Variants in SMIM14 observed in about 807,000 individuals in gnomAD.
SMIM14 encodes small integral membrane protein 14.
A neutral mutation model predicts 12.6 loss-of-function variants in SMIM14; 5 were observed. The observed-to-expected ratio is 0.40, with a 90% CI of 0.21 to 0.83. The LOEUF (loss-of-function observed/expected upper bound fraction) is 0.83, where lower values mean the gene tolerates loss of function less well. Among genes scored for constraint, SMIM14 ranks in the 40% least tolerant of loss-of-function variants. SMIM14 has a pLI of 0.37. For missense variants in SMIM14, 86 were observed against 119.1 expected (o/e 0.72, Z 1.29); for synonymous variants, 30 against 40.1 (o/e 0.75, Z 0.95).
chr4:39,614,295 G>C (rs557784352), intron 1 of SMIM14, among the ~76,000 whole-genome samples: 1 of 151,768 alleles, frequency 6.6e-6, no homozygotes, highest in Non-Finnish European at 1.5e-5. Flanking sequence ...ATTGAAGTTG[G>C]GTTATAGGTT....
intron 2 of SMIM14, among the ~76,000 whole-genome samples, chr4:39,573,219 C>T (rs1293857451): frequency 6.6e-6 from 1 of 152,042 alleles, no homozygotes; most frequent in East Asian, 1.9e-4. Flanking sequence ...CCTCAGCCTC[C>T]TGAGTAGCTG....
At chr4:39,604,524 G>A (rs1231034807) in intron 2 of SMIM14, among the ~76,000 whole-genome samples, 2 of 151,890 alleles carry the variant, frequency 1.3e-5, no homozygotes, top group Admixed American at 6.6e-5. Flanking sequence ...GCAACAGAGC[G>A]AGACTCCATC....
intron 1 of SMIM14, among the ~76,000 whole-genome samples, chr4:39,629,530 C>T (rs1361411077): frequency 6.7e-6 from 1 of 150,338 alleles, no homozygotes; most frequent in Non-Finnish European, 1.5e-5. Context: ...GCATCCTTGA[C>T]CTCCTGAGCT....
At chr4:39,591,913 GC>G (rs1714101655) in intron 2 of SMIM14, among the ~76,000 whole-genome samples, 1 of 152,134 alleles carries the variant, frequency 6.6e-6, no homozygotes, top group African/African-American at 2.4e-5. Context: ...AGTCAGAGAA[GC>G]TTAGTGAGGT....
At chr4:39,603,741 T>A (rs1560300926) in intron 2 of SMIM14, among the ~76,000 whole-genome samples, 1 of 152,136 alleles carries the variant, frequency 6.6e-6, no homozygotes, top group Non-Finnish European at 1.5e-5. Flanking sequence ...CCAGGCGCAG[T>A]GGTTCACGCC....
intron 3 of SMIM14, among the ~76,000 whole-genome samples, chr4:39,568,192 T>C (rs1712679275): frequency 6.6e-6 from 1 of 151,282 alleles, no homozygotes; most frequent in African/African-American, 2.4e-5. Flanking sequence ...GGCAGGAGAA[T>C]AGCTTGAGCC....
At chr4:39,583,245 C>T (rs916925988) in intron 2 of SMIM14, among the ~76,000 whole-genome samples, 39 of 152,010 alleles carry the variant, frequency 2.6e-4, no homozygotes, top group African/African-American at 9.4e-4. Flanking sequence ...CATGCCACCA[C>T]ACTGGGCTAA....
intron 1 of SMIM14, among the ~76,000 whole-genome samples, chr4:39,628,069 G>A (rs898975748): frequency 1.3e-5 from 2 of 152,076 alleles, no homozygotes; most frequent in Admixed American, 6.6e-5. Context: ...AGCACTTTGC[G>A]GGGCCAAGGC....
intron 2 of SMIM14, chr4:39,593,290 C>G (rs971282672): frequency 6.6e-6 from 1 of 152,044 alleles, no homozygotes; most frequent in Non-Finnish European, 1.5e-5. Context: ...TAAACAGAAC[C>G]AAAGACAAAA....
chr4:39,631,677 A>G lies in SMIM14; in HGVS notation c.-36+7062T>C, dbSNP rs527308197. Among the ~76,000 whole-genome samples, 213 of 152,298 alleles carry G rather than the reference A, an allele frequency of 1.4e-3. 2 individuals are homozygous for G. Among genetic ancestry groups the G allele is most frequent in the African/African-American group, 4.9e-3 (202 of 41,580 alleles). Reference sequence around the variant, plus strand: ...CCGTCTCAAAAAAAAAAAAAAATAAATATGTTAAAAGATAAAAGATGATAG... The same window carrying G: ...CCGTCTCAAAAAAAAAAAAAAATAAGTATGTTAAAAGATAAAAGATGATAG... On this transcript the variant is annotated intron_variant, in intron 1 of 4. Transcript: ENST00000295958.
intron 1 of SMIM14, among the ~76,000 whole-genome samples, chr4:39,610,017 GTC>G (rs1362942433): frequency 6.6e-6 from 1 of 152,198 alleles, no homozygotes; most frequent in African/African-American, 2.4e-5. Context: ...TTGAGACAGT[GTC>G]TGGCTCTGTC....
At chr4:39,612,763 GC>G (rs1715086108) in intron 1 of SMIM14, among the ~76,000 whole-genome samples, 1 of 152,246 alleles carries the variant, frequency 6.6e-6, no homozygotes, top group South Asian at 2.1e-4. Flanking sequence ...ATCATGCCTG[GC>G]TAATTTTTGT....
intron 2 of SMIM14, among the ~76,000 whole-genome samples, chr4:39,589,149 C>T (rs1476430617): frequency 6.6e-6 from 1 of 152,158 alleles, no homozygotes; most frequent in African/African-American, 2.4e-5. Flanking sequence ...TACAATGGCG[C>T]GATCTCTGCA....
At chr4:39,613,593 C>A (rs540570096) in intron 1 of SMIM14, among the ~76,000 whole-genome samples, 1 of 152,250 alleles carries the variant, frequency 6.6e-6, no homozygotes, top group Non-Finnish European at 1.5e-5. Flanking sequence ...CCCTTGGTCT[C>A]CAGAGACATT....
chr4:39,586,902 C>G (rs1560294092), intron 2 of SMIM14, among the ~76,000 whole-genome samples: 1 of 151,998 alleles, frequency 6.6e-6, no homozygotes. Context: ...TGTGGGTCCT[C>G]TTACTGGCTT....
intron 1 of SMIM14, among the ~76,000 whole-genome samples, chr4:39,609,495 G>A (rs549894115): frequency 6.6e-6 from 1 of 152,214 alleles, no homozygotes; most frequent in Non-Finnish European, 1.5e-5. Flanking sequence ...AGACTTGGGG[G>A]TTGAGGGCAT....
In SMIM14 at chr4:39,547,913, T is replaced by C. The variant is rs1336711894; in HGVS notation, c.*4213A>G. ...AAAAAAATGAAAAACATCTTTTTTT[T>C]TTTTTTTTTGAGACGGAGTTTCACT... is the stretch of plus-strand genomic sequence containing the variant. On this transcript the variant is annotated 3_prime_UTR_variant, in exon 5 of 5. Transcript: ENST00000295958. 1 of 152,138 alleles carries C rather than the reference T, an allele frequency of 6.6e-6. No individual in the cohort carries two copies. Among genetic ancestry groups the C allele is most frequent in the Non-Finnish European group, 1.5e-5 (1 of 68,132 alleles). 9.4% of individuals were successfully genotyped at this position (152,138 alleles called of 1,614,324 possible).
At chr4:39,629,383 C>CATATATATATATAT (rs71645114) in intron 1 of SMIM14, among the ~76,000 whole-genome samples, 57 of 118,326 alleles carry the variant, frequency 4.8e-4, no homozygotes, top group South Asian at 3.8e-3. Context: ...AAAAAAGATA[C>CATATATATATATAT]ATATATATAT....
intron 1 of SMIM14, among the ~76,000 whole-genome samples, chr4:39,618,957 C>G: frequency 6.6e-6 from 1 of 151,888 alleles, no homozygotes; most frequent in Admixed American, 6.6e-5. Context: ...GATGCATATA[C>G]ACCACATACT....
Sources: allele counts gnomAD v4.1 joint callset (sites outside exome capture counted in the v4.1 genomes callset), GRCh38; gene constraint gnomAD v4.1.1; transcripts MANE v1.5; gene names NCBI Gene and HGNC (gene_info 2026-07-23, HGNC 2026-07-21).